NCAM2: variants seen among roughly 807,000 people sequenced by gnomAD.
NCAM2 encodes the protein N-CAM-2.
Under a neutral mutation model 98.1 loss-of-function variants are expected in NCAM2, and 30 were observed. The observed-to-expected ratio is 0.31, with a 90% CI of 0.23 to 0.41. NCAM2 has a LOEUF of 0.41. Among genes scored for constraint, NCAM2 ranks in the 10% least tolerant of loss-of-function variants. The pLI is 1.00. For synonymous variants in NCAM2, 368 were observed against 342.4 expected, an observed-to-expected ratio of 1.07 and a Z score of -0.83; for missense variants, 867 against 1,005.8, an observed-to-expected ratio of 0.86 and a Z score of 1.87.
At chr21:21,159,231 G>T (rs974609143) in intron 1 of NCAM2, among the ~76,000 whole-genome samples, 9 of 151,980 alleles carry the variant, frequency 5.9e-5, no homozygotes, top group African/African-American at 1.9e-4. Context: ...ATTACAAAAA[G>T]AGTCAAATTT....
At chr21:21,099,620 C>G (rs1018963070) in intron 1 of NCAM2, among the ~76,000 whole-genome samples, 2 of 151,874 alleles carry the variant, frequency 1.3e-5, no homozygotes, top group Admixed American at 6.6e-5. Context: ...GGCTCCCTTC[C>G]ATGACATGTG....
chr21:21,535,050 C>T (rs1236717642), intron 17 of NCAM2, among the ~76,000 whole-genome samples: 2 of 152,014 alleles, frequency 1.3e-5, no homozygotes. Context: ...ATATAAATGT[C>T]ATTGAAATAT....
chr21:21,439,695 C>A (rs1214310205), intron 12 of NCAM2, among the ~76,000 whole-genome samples: 1 of 152,030 alleles, frequency 6.6e-6, no homozygotes, highest in Non-Finnish European at 1.5e-5. Flanking sequence ...ATCTTAGGTG[C>A]AAATATGCAA....
At chr21:21,452,208 A>G (rs896689828) in intron 12 of NCAM2, among the ~76,000 whole-genome samples, 3 of 103,914 alleles carry the variant, frequency 2.9e-5, no homozygotes, top group Admixed American at 9.3e-5. Context: ...AGATGTATGT[A>G]CACACACATA....
At chr21:21,479,476 C>T (rs34672489) in intron 15 of NCAM2, among the ~76,000 whole-genome samples, 1 of 149,398 alleles carries the variant, frequency 6.7e-6, no homozygotes, top group East Asian at 2.0e-4. Context: ...CCCAGCTACT[C>T]TAGAGGTTGA....
Position 21,214,722 on chromosome 21 carries a change from CATATATAT to C in NCAM2, c.56-65838_56-65831del, listed in dbSNP as rs1555829682. On this transcript the variant is annotated intron_variant, in intron 1 of 17. Coordinates refer to ENST00000400546, the MANE Select transcript of NCAM2 (RefSeq NM_004540.5). ...TCAGGGGGAGTAAATATATATATTCCATATATATATATATATATATATATACACTATAT... is the reference window on the plus strand; with the variant it reads ...TCAGGGGGAGTAAATATATATATTCCATATATATATATATATACACTATAT... 3.4e-3 allele frequency among the ~76,000 whole-genome samples: 317 copies of C among 92,608 alleles called. 7 individuals are homozygous for C. Among genetic ancestry groups the C allele is most frequent in the Middle Eastern group, 0.016 (2 of 128 alleles). 60.8% of individuals were successfully genotyped at this position (92,608 alleles called of 152,430 possible). A position where few individuals can be genotyped will look rare whatever the true frequency, so the allele number is the denominator to read the frequency against.
chr21:21,387,949 C>G (rs2076304035), intron 9 of NCAM2, among the ~76,000 whole-genome samples: 1 of 152,194 alleles, frequency 6.6e-6, no homozygotes, highest in African/African-American at 2.4e-5. Context: ...AATTATGCAT[C>G]ATAAACACCC....
chr21:21,238,087 C>T (rs977101888), intron 1 of NCAM2, among the ~76,000 whole-genome samples: 1 of 150,636 alleles, frequency 6.6e-6, no homozygotes, highest in African/African-American at 2.4e-5. Context: ...TCCCAAGTAG[C>T]TGGGACTACA....
intron 12 of NCAM2, among the ~76,000 whole-genome samples, chr21:21,452,581 T>C (rs1353615548): frequency 1.1e-5 from 1 of 88,144 alleles, no homozygotes; most frequent in Non-Finnish European, 2.4e-5. Context: ...ATATTGTATA[T>C]ATATTGTATT....
chr21:21,026,611 G>T (rs1356655788), intron 1 of NCAM2, among the ~76,000 whole-genome samples: 3 of 147,454 alleles, frequency 2.0e-5, no homozygotes, highest in Non-Finnish European at 4.5e-5. Context: ...GGCAATACGA[G>T]TGAAACTCCG....
intron 9 of NCAM2, among the ~76,000 whole-genome samples, chr21:21,390,748 C>T (rs373984531): frequency 6.6e-6 from 1 of 152,148 alleles, no homozygotes; most frequent in East Asian, 1.9e-4. Flanking sequence ...GAAATGCATG[C>T]AATTCTAGAA....
chr21:21,414,133 ATCTGT>A (rs1263596286), intron 10 of NCAM2, among the ~76,000 whole-genome samples: 1 of 152,080 alleles, frequency 6.6e-6, no homozygotes, highest in African/African-American at 2.4e-5. Flanking sequence ...CAATTTTCCC[ATCTGT>A]TAGAGTTTTA....
intron 1 of NCAM2, among the ~76,000 whole-genome samples, chr21:21,220,468 T>A (rs1417971383): frequency 6.6e-6 from 1 of 152,184 alleles, no homozygotes; most frequent in African/African-American, 2.4e-5. Flanking sequence ...AGGTTTGTAG[T>A]ACACTATAGT....
intron 16 of NCAM2, among the ~76,000 whole-genome samples, chr21:21,516,507 ATTC>A (rs1988720172): frequency 6.6e-6 from 1 of 152,144 alleles, no homozygotes; most frequent in African/African-American, 2.4e-5. Context: ...AAATATTGAA[ATTC>A]TTCTGAATTT....
intron 1 of NCAM2, among the ~76,000 whole-genome samples, chr21:21,104,628 C>T (rs1189820711): frequency 2.0e-5 from 3 of 151,720 alleles, no homozygotes; most frequent in Admixed American, 2.0e-4. Flanking sequence ...TGCAAAGTTC[C>T]TAAGACAAGA....
chr21:21,392,260 G>T (rs2076397515), intron 9 of NCAM2, among the ~76,000 whole-genome samples: 1 of 152,162 alleles, frequency 6.6e-6, no homozygotes, highest in South Asian at 2.1e-4. Context: ...ATCCATCTAT[G>T]TCCCTGCAGA....
At chr21:21,333,977 G>C (rs1413156497) in intron 6 of NCAM2, among the ~76,000 whole-genome samples, 1 of 150,386 alleles carries the variant, frequency 6.6e-6, no homozygotes, top group East Asian at 1.9e-4. Flanking sequence ...TTTTTTTTCG[G>C]ACACAGTCTC....
chr21:21,179,717 A>T lies in NCAM2; in HGVS notation c.56-100861A>T, dbSNP rs1601581479. ...TATGTGTCATTTTCAAGGGTAATAG[A>T]CAGTTGTTTTCAGGTCAGTTTTTGC... On this transcript the variant is annotated intron_variant, in intron 1 of 17. Transcript: ENST00000400546. Among the ~76,000 whole-genome samples the T allele has an allele frequency of 1.3e-5, 2 of 150,878 alleles. 1 individual carries two copies. The highest frequency in any genetic ancestry group is 4.1e-4 in the South Asian group (2 of 4,830).
chr21:21,044,393 A>G (rs1396413776), intron 1 of NCAM2, among the ~76,000 whole-genome samples: 1 of 152,202 alleles, frequency 6.6e-6, no homozygotes, highest in Middle Eastern at 3.2e-3. Flanking sequence ...ACAGAAGAGT[A>G]GGGTTTTTAA....
Sources: gnomAD v4.1 joint callset for allele counts (sites outside exome capture counted in the v4.1 genomes callset) on GRCh38, gnomAD v4.1.1 for gene constraint, MANE v1.5 for transcripts, NCBI Gene and HGNC (gene_info 2026-07-23, HGNC 2026-07-21) for gene names.